Variants in ZNF484 observed in about 807,000 individuals in gnomAD.
ZNF484 encodes the protein zinc finger protein 484.
A neutral mutation model predicts 12.9 loss-of-function variants in ZNF484; 11 were observed. The observed-to-expected ratio is 0.85, with a 90% CI of 0.54 to 1.41. ZNF484 has a LOEUF of 1.41. Among genes scored for constraint, ZNF484 ranks in the 40% most tolerant of loss-of-function variants. The probability of loss-of-function intolerance (pLI) is 0.00; values close to 1 mark genes in which losing one functional copy is unlikely to be tolerated. For synonymous variants in ZNF484, 289 were observed against 334.1 expected, an observed-to-expected ratio of 0.86 and a Z score of 1.47; for missense variants, 807 against 1,007.7, an observed-to-expected ratio of 0.80 and a Z score of 2.70.
chr9:92,876,348 C>T (rs912758934), intron 1 of ZNF484, among the ~76,000 whole-genome samples: 1 of 151,914 alleles, frequency 6.6e-6, no homozygotes, highest in Non-Finnish European at 1.5e-5. Flanking sequence ...TAGTAAACAT[C>T]AAATGGAAGG....
At chr9:92,874,931 C>G in intron 2 of ZNF484, 84 bp downstream of exon 2, 1 of 1,299,738 alleles carries the variant, frequency 7.7e-7, no homozygotes, top group South Asian at 1.3e-5. Flanking sequence ...TGTCATCTTA[C>G]TATAGGGATT....
At chr9:92,857,792 G>GCT (rs1240530594) in intron 2 of ZNF484, among the ~76,000 whole-genome samples, 2 of 152,078 alleles carry the variant, frequency 1.3e-5, no homozygotes, top group African/African-American at 4.8e-5. Flanking sequence ...ACAGGGTCTT[G>GCT]CTCTGTCATC....
intron 2 of ZNF484, among the ~76,000 whole-genome samples, chr9:92,874,033 C>G (rs1371286395): frequency 2.6e-5 from 4 of 152,174 alleles, no homozygotes; most frequent in African/African-American, 7.2e-5. Context: ...CCAACAGACT[C>G]AAGAAGTAAA....
chr9:92,860,962 A>C (rs1856753756), intron 2 of ZNF484, among the ~76,000 whole-genome samples: 1 of 152,222 alleles, frequency 6.6e-6, no homozygotes, highest in South Asian at 2.1e-4. Flanking sequence ...ACCTACGAGC[A>C]GCCCAGATAT....
intron 2 of ZNF484, among the ~76,000 whole-genome samples, chr9:92,873,077 C>G (rs757794363): frequency 2.0e-5 from 3 of 152,066 alleles, no homozygotes; most frequent in Admixed American, 2.0e-4. Context: ...GAGGTAATTA[C>G]GGTTAAACAA....
chr9:92,868,823 C>T (rs1347145055), intron 2 of ZNF484, among the ~76,000 whole-genome samples: 9 of 152,156 alleles, frequency 5.9e-5, no homozygotes, highest in Admixed American at 5.9e-4. Context: ...GACCCAAACA[C>T]TTCCCATTAT....
At chr9:92,877,405 T>C (rs1375327087) in intron 1 of ZNF484, among the ~76,000 whole-genome samples, 1 of 151,934 alleles carries the variant, frequency 6.6e-6, no homozygotes, top group Non-Finnish European at 1.5e-5. Flanking sequence ...ATAACCGTAA[T>C]GATAAAGGAG....
chr9:92,856,011 C>T lies in ZNF484; in HGVS notation c.143-108G>A, dbSNP rs1445458690. ...GGAACAGAGGAATATTCACACTACC[C>T]GAAAGAGATTATTAAGAACATGGGA... is the stretch of plus-strand genomic sequence containing the variant. On this transcript the variant is annotated intron_variant, in intron 3 of 4. Coordinates refer to ENST00000375495, the MANE Select transcript of ZNF484 (RefSeq NM_031486.4). 24 of 1,405,246 alleles carry T rather than the reference C, an allele frequency of 1.7e-5. No individual in the cohort carries two copies. Among genetic ancestry groups the T allele is most frequent in the Non-Finnish European group, 2.2e-5 (22 of 1,017,056 alleles). 87.0% of individuals were successfully genotyped at this position (1,405,246 alleles called of 1,614,324 possible). A position where few individuals can be genotyped will look rare whatever the true frequency, so the allele number is the denominator to read the frequency against.
At position 92,875,065 on chromosome 9, in the gene ZNF484, A is replaced by G; in HGVS notation, c.-30-6T>C. The G allele has an allele frequency of 6.2e-7, 1 of 1,613,978 alleles. No individual in the cohort carries two copies. The highest frequency in any genetic ancestry group is 8.5e-7 in the Non-Finnish European group (1 of 1,179,926). On this transcript the variant is annotated splice_region_variant and splice_polypyrimidine_tract_variant and intron_variant, in intron 1 of 4. Coordinates refer to ENST00000375495, the MANE Select transcript of ZNF484 (RefSeq NM_031486.4). ...TCGGACAAAGGGGCAGAAATCTGAG[A>G]AAACAGATGGGTAGAGGTACCCATG...
At chr9:92,859,428 C>T (rs1856652367) in intron 2 of ZNF484, among the ~76,000 whole-genome samples, 1 of 152,112 alleles carries the variant, frequency 6.6e-6, no homozygotes, top group Non-Finnish European at 1.5e-5. Flanking sequence ...CTAGAGGGAA[C>T]TTAGAGGGAG....
At chr9:92,851,666 A>G (rs1371117467) in intron 4 of ZNF484, among the ~76,000 whole-genome samples, 1 of 152,238 alleles carries the variant, frequency 6.6e-6, no homozygotes, top group African/African-American at 2.4e-5. Context: ...AGGGACTAAC[A>G]CACATCTTTC....
At chr9:92,868,809 C>A (rs532088616) in intron 2 of ZNF484, among the ~76,000 whole-genome samples, 36 of 152,270 alleles carry the variant, frequency 2.4e-4, no homozygotes, top group Admixed American at 1.8e-3. Flanking sequence ...GGATCTGTCC[C>A]CATGACCCAA....
intron 2 of ZNF484, among the ~76,000 whole-genome samples, chr9:92,860,476 C>T (rs1428521102): frequency 5.9e-5 from 9 of 151,648 alleles, no homozygotes; most frequent in African/African-American, 1.2e-4. Context: ...TGGTGGCGGG[C>T]GCCTGTAGTC....
intron 2 of ZNF484, among the ~76,000 whole-genome samples, chr9:92,859,831 C>T (rs78083194): frequency 0.024 from 3,643 of 152,288 alleles, 74 homozygotes; most frequent in Non-Finnish European, 0.035. Context: ...AGATCAAAAT[C>T]AGCCAAGGGA....
At chr9:92,877,864 A>G in intron 1 of ZNF484, 26 bp downstream of exon 1, 10 of 1,535,824 alleles carry the variant, frequency 6.5e-6, no homozygotes, top group Non-Finnish European at 7.8e-6. Flanking sequence ...TGCTCAGTCC[A>G]CAGATGCTGC....
chr9:92,860,536 G>A (rs1587748071), intron 2 of ZNF484, among the ~76,000 whole-genome samples: 1 of 150,756 alleles, frequency 6.6e-6, no homozygotes, highest in African/African-American at 2.4e-5. Flanking sequence ...CCCGGGAGGC[G>A]GAGCTTGCAG....
chr9:92,869,993 T>G (rs1406597901), intron 2 of ZNF484, among the ~76,000 whole-genome samples: 1 of 152,256 alleles, frequency 6.6e-6, no homozygotes, highest in Non-Finnish European at 1.5e-5. Flanking sequence ...CTATGCTTAA[T>G]ATATGAAGTC....
intron 2 of ZNF484, among the ~76,000 whole-genome samples, chr9:92,868,458 G>A (rs1378823441): frequency 6.6e-6 from 1 of 152,190 alleles, no homozygotes; most frequent in Non-Finnish European, 1.5e-5. Context: ...TCTGTAAAAT[G>A]AGAATAATGA....
chr9:92,846,619 T>C lies in ZNF484; in HGVS notation c.2168A>G (p.Asn723Ser). 6.2e-7 allele frequency: 1 copy of C among 1,613,522 alleles called. No individual in the cohort carries two copies. The highest frequency in any genetic ancestry group is 1.1e-5 in the South Asian group (1 of 91,032). ...CTGGATGAAGGATTTCCCACATTCATTACAAATATAGGGTTTCTCTCCTGT... is the reference window on the plus strand; with the variant it reads ...CTGGATGAAGGATTTCCCACATTCACTACAAATATAGGGTTTCTCTCCTGT... ...IHTGEKPYICNECGKSFIQKS... is the reference protein window; with the variant it reads ...IHTGEKPYICSECGKSFIQKS... The change falls in exon 5 of 5, where the codon AAT becomes AGT. Residue 723 changes from asparagine to serine, a missense_variant. Transcript: ENST00000375495.
Sources: allele counts gnomAD v4.1 joint callset (sites outside exome capture counted in the v4.1 genomes callset), GRCh38; gene constraint gnomAD v4.1.1; transcripts MANE v1.5; gene names NCBI Gene and HGNC (gene_info 2026-07-23, HGNC 2026-07-21).